HDAC4: variants seen among roughly 807,000 people sequenced by gnomAD.
HDAC4 encodes histone deacetylase 4, also known as histone deacetylase A.
In HDAC4, 16 loss-of-function variants were observed where a neutral mutation model predicts 135.1. The observed-to-expected ratio is 0.12, with a 90% CI of 0.08 to 0.18. HDAC4 has a LOEUF of 0.18. HDAC4 is among the 10% of genes least tolerant of loss of function. The probability of loss-of-function intolerance (pLI) is 1.00; values close to 1 mark genes in which losing one functional copy is unlikely to be tolerated. For missense variants in HDAC4, 1,143 were observed against 1,511.8 expected (o/e 0.76, Z 4.05); for synonymous variants, 685 against 653.4 (o/e 1.05, Z -0.74).
chr2:239,247,328 T>C (rs997998781), intron 2 of HDAC4, among the ~76,000 whole-genome samples: 3 of 152,236 alleles, frequency 2.0e-5, no homozygotes, highest in Non-Finnish European at 2.9e-5. Flanking sequence ...ACCCTCCACC[T>C]GGACGTAGAA....
rs1235636120 is a variant in HDAC4, at chr2:239,190,539, C to T, written c.95-462G>A. On this transcript the variant is annotated intron_variant, in intron 3 of 26. Coordinates refer to ENST00000543185, the MANE Select transcript of HDAC4 (RefSeq NM_001378414.1). ...CCTGCTCCTCTTCCTCCTCTTCCAT[C>T]GAAGTCACCGTGCCGCTGTGAGAGC... Among the ~76,000 whole-genome samples the T allele has an allele frequency of 4.6e-5, 7 of 152,368 alleles. No individual in the cohort carries two copies. In the South Asian group the frequency reaches 1.0e-3, roughly 23 times the overall value.
At chr2:239,370,809 G>T (rs1178560275) in intron 1 of HDAC4, among the ~76,000 whole-genome samples, 1 of 152,174 alleles carries the variant, frequency 6.6e-6, no homozygotes, top group African/African-American at 2.4e-5. Context: ...CATCATGCTG[G>T]GTCTTTTCAA....
intron 1 of HDAC4, among the ~76,000 whole-genome samples, chr2:239,391,389 C>T (rs962140562): frequency 6.6e-6 from 1 of 152,198 alleles, no homozygotes; most frequent in Non-Finnish European, 1.5e-5. Context: ...TGCAGAGACA[C>T]CCTGAGCAGG....
chr2:239,366,179 C>G (rs953900729), intron 1 of HDAC4, among the ~76,000 whole-genome samples: 1 of 148,022 alleles, frequency 6.8e-6, no homozygotes, highest in Admixed American at 6.8e-5. Context: ...GCGTGTGGCA[C>G]TATGTGACAC....
chr2:239,111,489 C>T (rs1227777993), intron 14 of HDAC4, 37 bp downstream of exon 14: 8 of 1,584,016 alleles, frequency 5.1e-6, no homozygotes, highest in Admixed American at 3.4e-5. Context: ...CTGTGGCCCG[C>T]GTTGCACCCT....
intron 2 of HDAC4, among the ~76,000 whole-genome samples, chr2:239,287,392 T>C (rs1298577783): frequency 1.3e-5 from 2 of 152,134 alleles, no homozygotes; most frequent in Admixed American, 6.5e-5. Context: ...CCAGATGGGG[T>C]TGTATGTTTT....
In HDAC4 at chr2:239,285,614, G is replaced by T. The variant is rs557994045; in HGVS notation, c.23-48950C>A. Among the ~76,000 whole-genome samples the T allele has an allele frequency of 6.6e-6, 1 of 152,184 alleles. No homozygotes were observed. The highest frequency in any genetic ancestry group is 2.4e-5 in the African/African-American group (1 of 41,438). ...ACTAGAAACTTCCTCTTCTGGGGAC[G>T]TGGCAGACAAGTCATCTTACAGGCT... On this transcript the variant is annotated intron_variant, in intron 2 of 26. Coordinates refer to ENST00000543185, the MANE Select transcript of HDAC4 (RefSeq NM_001378414.1). This position sits in a 1 kb window ranked among gnomAD's most constrained non-coding sequence, Gnocchi z 4.5.
chr2:239,126,600 C>G lies in HDAC4; in HGVS notation c.1389G>C (p.Gln463His). 6.2e-7 allele frequency: 1 copy of G among 1,613,906 alleles called. No homozygotes were observed. Among genetic ancestry groups the G allele is most frequent in the Non-Finnish European group, 8.5e-7 (1 of 1,180,000 alleles). Residue 463 changes from glutamine (Q) to histidine (H), a missense_variant, in exon 12 of 27, where the codon CAG becomes CAC. This residue lies in a region of HDAC4 where 272 missense variants were observed against 309.7 expected (regional missense o/e 0.88). Transcript: ENST00000543185. ...ACTGGGTCCGCCCCAGTGGGCGGTG[C>G]TGCCGCAGCTTGTGGATGGAGGGGG... ...RVSPSIHKLRQHRPLGRTQSA... is the reference protein window; with the variant it reads ...RVSPSIHKLRHHRPLGRTQSA...
chr2:239,134,446 G>A lies in HDAC4; in HGVS notation c.1096-3C>T. The A allele has an allele frequency of 1.2e-6, 2 of 1,613,714 alleles. No individual in the cohort carries two copies. The highest frequency in any genetic ancestry group is 1.7e-6 in the Non-Finnish European group (2 of 1,179,866). The stretch of plus-strand genomic sequence containing the variant: ...GCGTCCTGCTGGCCCGCCGTGCCCT[G>A]GAAAGCACAGCCAGGATGCTCGGGT... On this transcript the variant is annotated splice_polypyrimidine_tract_variant and splice_region_variant and intron_variant, in intron 10 of 26. Transcript: ENST00000543185.
At chr2:239,093,584 C>A (rs894729964) in intron 17 of HDAC4, among the ~76,000 whole-genome samples, 1 of 152,252 alleles carries the variant, frequency 6.6e-6, no homozygotes, top group Non-Finnish European at 1.5e-5. Flanking sequence ...GGAAGCCCCA[C>A]GGCCTGCACT....
At chr2:239,216,801 G>C (rs1220293298) in intron 3 of HDAC4, among the ~76,000 whole-genome samples, 1 of 152,130 alleles carries the variant, frequency 6.6e-6, no homozygotes, top group African/African-American at 2.4e-5. Context: ...GGAGTCTGGT[G>C]AGAAGGGGGT....
chr2:239,166,905 G>A (rs1438347016), intron 5 of HDAC4, among the ~76,000 whole-genome samples: 1 of 152,196 alleles, frequency 6.6e-6, no homozygotes, highest in Non-Finnish European at 1.5e-5. Flanking sequence ...AGTGAAATGG[G>A]TAACTTCAAT....
intron 14 of HDAC4, among the ~76,000 whole-genome samples, chr2:239,109,189 C>CT (rs1255753162): frequency 6.6e-6 from 1 of 152,218 alleles, no homozygotes; most frequent in Non-Finnish European, 1.5e-5. Flanking sequence ...TCTTCCAGGA[C>CT]TTAACAAAGG....
rs1351156748 is a variant in HDAC4, at chr2:239,052,044, A to AGT, written c.*1051_*1052dup. Reference sequence around the variant, plus strand: ...AAAGCATTCCGATCGTAACACTGCAAGTGTGCCTACCACATGCTTCACGAC... The same window carrying AGT: ...AAAGCATTCCGATCGTAACACTGCAAGTGTGTGCCTACCACATGCTTCACGAC... On this transcript the variant is annotated 3_prime_UTR_variant, in exon 27 of 27. Transcript: ENST00000543185. 1.3e-5 allele frequency: 2 copies of AGT among 152,622 alleles called. No individual in the cohort carries two copies. Among genetic ancestry groups the AGT allele is most frequent in the African/African-American group, 4.8e-5 (2 of 41,450 alleles). The allele number at this position is 152,622 out of a possible 1,614,324, so 9.5% of individuals were successfully genotyped here. A position where few individuals can be genotyped will look rare whatever the true frequency, so the allele number is the denominator to read the frequency against.
At chr2:239,348,222 G>A (rs956459741) in intron 2 of HDAC4, among the ~76,000 whole-genome samples, 7 of 146,638 alleles carry the variant, frequency 4.8e-5, no homozygotes, top group African/African-American at 1.3e-4. Flanking sequence ...GCAAATCCAC[G>A]TCCCAGCAAA....
At chr2:239,332,155 CA>C (rs1307920734) in intron 2 of HDAC4, among the ~76,000 whole-genome samples, 109 of 152,284 alleles carry the variant, frequency 7.2e-4, no homozygotes, top group African/African-American at 2.4e-3. Flanking sequence ...ACAGTTACAT[CA>C]GGGGGATTTT....
intron 1 of HDAC4, among the ~76,000 whole-genome samples, chr2:239,369,403 G>A (rs954492830): frequency 1.3e-5 from 2 of 152,090 alleles, no homozygotes; most frequent in Admixed American, 1.3e-4. Flanking sequence ...AGAGACAGCC[G>A]CTTGGGCTGC....
chr2:239,237,590 A>C (rs542734237), intron 2 of HDAC4, among the ~76,000 whole-genome samples: 27 of 152,172 alleles, frequency 1.8e-4, no homozygotes, highest in Non-Finnish European at 2.8e-4. Flanking sequence ...AAAAAAAAAA[A>C]AACCCATTTT....
intron 1 of HDAC4, among the ~76,000 whole-genome samples, chr2:239,390,147 G>A (rs577536570): frequency 6.6e-6 from 1 of 152,250 alleles, no homozygotes; most frequent in African/African-American, 2.4e-5. Context: ...CACTTTCTAG[G>A]AAAACAAGCC....
Sources: allele counts gnomAD v4.1 joint callset (sites outside exome capture counted in the v4.1 genomes callset), GRCh38; gene constraint gnomAD v4.1.1; regional missense constraint gnomAD v4.1.1; non-coding constraint Gnocchi (gnomAD v3.1); transcripts MANE v1.5; gene names NCBI Gene and HGNC (gene_info 2026-07-23, HGNC 2026-07-21).